SPA17: variants seen among roughly 807,000 people sequenced by gnomAD.
SPA17 encodes the protein sperm surface protein Sp17.
SPA17 carries 7 observed loss-of-function variants against 13.8 expected under a neutral mutation model. That is an observed-to-expected ratio of 0.51 (90% confidence interval 0.29 to 0.95). The LOEUF is 0.95. Among genes scored for constraint, SPA17 ranks in the 40% least tolerant of loss-of-function variants. SPA17 has a pLI of 0.08. For synonymous variants in SPA17, 61 were observed against 59.0 expected, an observed-to-expected ratio of 1.03 and a Z score of -0.16; for missense variants, 170 against 179.3, an observed-to-expected ratio of 0.95 and a Z score of 0.30.
intron 3 of SPA17, among the ~76,000 whole-genome samples, chr11:124,685,613 C>T (rs1943571105): frequency 1.3e-5 from 2 of 152,158 alleles, no homozygotes; most frequent in South Asian, 4.1e-4. Flanking sequence ...GCACTGTGCA[C>T]ATGGAAAAGC....
chr11:124,694,102 A>T (rs1943650299), intron 4 of SPA17, among the ~76,000 whole-genome samples: 1 of 152,210 alleles, frequency 6.6e-6, no homozygotes, highest in Admixed American at 6.5e-5. Context: ...ATATTAAAAG[A>T]GTGACAAAAC....
intron 1 of SPA17, chr11:124,674,675 CATCCCA>C (rs1943435534): frequency 6.6e-6 from 1 of 152,236 alleles, no homozygotes; most frequent in African/African-American, 2.4e-5. Context: ...AGCCCCATCC[CATCCCA>C]TCCCTCCCTC....
chr11:124,689,334 G>A (rs1166286432), intron 3 of SPA17, among the ~76,000 whole-genome samples: 1 of 152,152 alleles, frequency 6.6e-6, no homozygotes. Context: ...AAGCTAAAAA[G>A]CTTTGCACAG....
chr11:124,695,366 C>T lies in SPA17; in HGVS notation c.*920C>T, dbSNP rs1943661569. On this transcript the variant is annotated 3_prime_UTR_variant, in exon 5 of 5. Transcript: ENST00000227135. ...AGCTATCATATCATGCTGCCTTCTT[C>T]AGTTAAAACTTCCCAAGTTTTTAAA... The T allele has an allele frequency of 6.6e-6, 1 of 152,206 alleles. No individual in the cohort carries two copies. The highest frequency in any genetic ancestry group is 6.5e-5 in the Admixed American group (1 of 15,280). The allele number at this position is 152,206 out of a possible 1,614,324, so 9.4% of individuals were successfully genotyped here.
chr11:124,694,208 A>C, intron 4 of SPA17, 95 bp from the exon 5 acceptor site: 1 of 1,456,110 alleles, frequency 6.9e-7, no homozygotes, highest in African/African-American at 1.4e-5. Flanking sequence ...AGATAGTTGC[A>C]TCCCTAAAAT....
intron 1 of SPA17, chr11:124,674,661 A>G (rs1943435205): frequency 6.6e-6 from 1 of 152,254 alleles, no homozygotes; most frequent in African/African-American, 2.4e-5. Context: ...AAATCATGAC[A>G]CACAGCCCCA....
intron 2 of SPA17, among the ~76,000 whole-genome samples, chr11:124,679,544 A>C (rs181467852): frequency 6.6e-6 from 1 of 152,306 alleles, no homozygotes; most frequent in East Asian, 1.9e-4. Context: ...TATCAGTGTG[A>C]CCTCATGTTT....
chr11:124,692,637 A>G (rs1390439322), intron 4 of SPA17, among the ~76,000 whole-genome samples: 1 of 152,148 alleles, frequency 6.6e-6, no homozygotes, highest in African/African-American at 2.4e-5. Flanking sequence ...TTGTTCAGTA[A>G]TGTCACTTTA....
rs1230491929 is a variant in SPA17, at chr11:124,691,728, A to C, written c.258A>C (p.Lys86Asn). 6.2e-7 allele frequency: 1 copy of C among 1,612,542 alleles called. No individual in the cohort carries two copies. Among genetic ancestry groups the C allele is most frequent in the Admixed American group, 1.7e-5 (1 of 59,774 alleles). The change falls in exon 4 of 5, where the codon AAA becomes AAC. Residue 86 changes from lysine (K) to asparagine (N), a missense_variant. Lys to Asn is a moderately conservative substitution (Grantham distance 94, BLOSUM62 0). Coordinates refer to ENST00000227135, the MANE Select transcript of SPA17 (RefSeq NM_017425.4). ...EQEPPEKSDPKQEESQISGKE... is the reference protein window; with the variant it reads ...EQEPPEKSDPNQEESQISGKE... ...AACCACCTGAGAAAAGTGATCCTAA[A>C]CAAGAAGAGTCTCAGATATCTGGGA...
intron 3 of SPA17, 56 bp from the exon 4 acceptor site, chr11:124,691,640 C>G: frequency 1.7e-6 from 2 of 1,194,522 alleles, no homozygotes; most frequent in Non-Finnish European, 2.4e-6. Flanking sequence ...CAGTTTGATA[C>G]AAGACTTTGC....
At chr11:124,694,249 A>T (rs1943651465) in intron 4 of SPA17, 54 bp from the exon 5 acceptor site, 1 of 1,575,406 alleles carries the variant, frequency 6.3e-7, no homozygotes, top group Non-Finnish European at 8.6e-7. Context: ...TTTTTGTGGC[A>T]TCAAAACTAC....
intron 3 of SPA17, among the ~76,000 whole-genome samples, chr11:124,688,061 T>C (rs900140138): frequency 1.3e-5 from 2 of 152,238 alleles, no homozygotes; most frequent in African/African-American, 4.8e-5. Context: ...TCATCCAGGC[T>C]GGAGTGCCAT....
intron 2 of SPA17, among the ~76,000 whole-genome samples, chr11:124,677,874 T>C (rs747847743): frequency 6.6e-6 from 1 of 152,254 alleles, no homozygotes; most frequent in Non-Finnish European, 1.5e-5. Context: ...ATGGCACTTA[T>C]GAAAGTATAT....
chr11:124,692,007 AG>A (rs1477036361), intron 4 of SPA17, among the ~76,000 whole-genome samples: 1 of 152,156 alleles, frequency 6.6e-6, no homozygotes, highest in Non-Finnish European at 1.5e-5. Context: ...TTATTTTTCA[AG>A]ATTGTTAATG....
At chr11:124,694,191 A>G (rs1441975325) in intron 4 of SPA17, 112 bp from the exon 5 acceptor site, 8 of 1,334,456 alleles carry the variant, frequency 6.0e-6, no homozygotes, top group African/African-American at 1.5e-5. Flanking sequence ...AGGAAGCAAC[A>G]GCTCTCAGAT....
chr11:124,684,147 A>C (rs1279218120), intron 3 of SPA17, among the ~76,000 whole-genome samples: 1 of 152,178 alleles, frequency 6.6e-6, no homozygotes, highest in African/African-American at 2.4e-5. Flanking sequence ...CCATGATTGT[A>C]AGTTTTCTGA....
rs1197637014 is a variant in SPA17, at chr11:124,696,618, C to G, written c.*2172C>G. The G allele has an allele frequency of 1.3e-5, 2 of 152,162 alleles. No individual in the cohort carries two copies. The highest frequency in any genetic ancestry group is 2.9e-5 in the Non-Finnish European group (2 of 68,040). The allele number at this position is 152,162 out of a possible 1,614,324, so 9.4% of individuals were successfully genotyped here. A position where few individuals can be genotyped will look rare whatever the true frequency, so the allele number is the denominator to read the frequency against. On this transcript the variant is annotated 3_prime_UTR_variant, in exon 5 of 5. Transcript: ENST00000227135. ...CTTTATTAGAACTTATCTGGTTTTC[C>G]TCTTATCTCTCTGGCTGTTCCTTCT...
chr11:124,678,516 C>CTGTGTGTGTGTGTG (rs60663679), intron 2 of SPA17, among the ~76,000 whole-genome samples: 244 of 143,350 alleles, frequency 1.7e-3, no homozygotes, highest in African/African-American at 6.0e-3. Flanking sequence ...GAATACATAA[C>CTGTGTGTGTGTGTG]TGTGTGTGTG....
Position 124,694,607 on chromosome 11 carries a change from AT to A in SPA17, c.*163del. ...TGAGCATTTGTTTAATAAGCATACC[AT>A]TGAAACATGCCACTTGAAGATTTCT... On this transcript the variant is annotated 3_prime_UTR_variant, in exon 5 of 5. Transcript: ENST00000227135. The A allele has an allele frequency of 1.1e-6, 1 of 901,802 alleles. No individual in the cohort carries two copies. Among genetic ancestry groups the A allele is most frequent in the Non-Finnish European group, 1.6e-6 (1 of 613,180 alleles). 55.9% of individuals were successfully genotyped at this position (901,802 alleles called of 1,614,324 possible). A position where few individuals can be genotyped will look rare whatever the true frequency, so the allele number is the denominator to read the frequency against.
Sources: allele counts gnomAD v4.1 joint callset (sites outside exome capture counted in the v4.1 genomes callset), GRCh38; gene constraint gnomAD v4.1.1; transcripts MANE v1.5; gene names NCBI Gene and HGNC (gene_info 2026-07-23, HGNC 2026-07-21).